The following FAAH2 variants were observed in gnomAD, a reference collection of about 807,000 sequenced individuals.
FAAH2 encodes fatty acid amide hydrolase 2.
A neutral mutation model predicts 36.9 loss-of-function variants in FAAH2; 60 were observed. The ratio of observed to expected loss-of-function variants is 1.63; its 90% CI spans 1.32 to 2.02. FAAH2 has a LOEUF of 2.02. FAAH2 is among the 30% of genes most tolerant of loss of function. The pLI is 0.00. For missense variants in FAAH2, 689 were observed against 397.5 expected (o/e 1.73, Z -6.23); for synonymous variants, 214 against 143.8 (o/e 1.49, Z -3.49).
chrX:57,229,108 A>T, the FAAH2 span: 2 of 111,597 alleles, frequency 1.8e-5, no homozygotes, highest in African/African-American at 6.5e-5. Context: ...AGGTAAAAAA[A>T]AAATAGAATT....
the FAAH2 span, among the ~76,000 whole-genome samples, chrX:57,191,517 G>A: frequency 9.0e-6 from 1 of 110,844 alleles, no homozygotes; most frequent in Non-Finnish European, 1.9e-5. Flanking sequence ...GTCCATTTTT[G>A]TTCTGGTTGG....
chrX:57,364,017 T>G (rs942256930), intron 5 of FAAH2, among the ~76,000 whole-genome samples: 1 of 90,812 alleles, frequency 1.1e-5, no homozygotes, highest in Non-Finnish European at 2.2e-5. Context: ...GGGTTTTTTT[T>G]TTTTTTTTTT....
chrX:57,277,846 C>A, the FAAH2 span, among the ~76,000 whole-genome samples: 2 of 111,124 alleles, frequency 1.8e-5, no homozygotes, highest in Non-Finnish European at 3.8e-5. Flanking sequence ...GAATAAAATA[C>A]CTAGCAATCC....
At chrX:57,416,954 T>C (rs2055862331) in intron 7 of FAAH2, among the ~76,000 whole-genome samples, 1 of 112,045 alleles carries the variant, frequency 8.9e-6, no homozygotes, top group African/African-American at 3.2e-5. Context: ...TCTAATCTTG[T>C]CTTAACGCTT....
intron 7 of FAAH2, among the ~76,000 whole-genome samples, chrX:57,419,408 T>C (rs1226577468): frequency 8.9e-6 from 1 of 111,813 alleles, no homozygotes; most frequent in African/African-American, 3.3e-5. Context: ...ATGATTGCCA[T>C]TCTAAGTGGT....
At chrX:57,246,544 TG>T in the FAAH2 span, among the ~76,000 whole-genome samples, 1 of 111,885 alleles carries the variant, frequency 8.9e-6, no homozygotes, top group Non-Finnish European at 1.9e-5. Context: ...GCTTCATCCC[TG>T]GGATGCAAGG....
the FAAH2 span, among the ~76,000 whole-genome samples, chrX:57,178,306 G>A: frequency 8.9e-6 from 1 of 112,170 alleles, no homozygotes; most frequent in Non-Finnish European, 1.9e-5. Flanking sequence ...TTATAGCTGA[G>A]GTTGCACAAA....
At chrX:57,201,053 GT>G in the FAAH2 span, among the ~76,000 whole-genome samples, 486 of 96,521 alleles carry the variant, frequency 5.0e-3, 7 homozygotes, top group African/African-American at 0.015. Flanking sequence ...TAGGGTAAAA[GT>G]TTTTTTTTTT....
At chrX:57,361,975 C>T (rs989093419) in intron 5 of FAAH2, among the ~76,000 whole-genome samples, 2 of 111,553 alleles carry the variant, frequency 1.8e-5, no homozygotes, top group East Asian at 5.6e-4. Context: ...CCACTCTCCT[C>T]TTTTCTGTAA....
chrX:57,130,435 TTATG>T, the FAAH2 span, among the ~76,000 whole-genome samples: 1 of 112,032 alleles, frequency 8.9e-6, no homozygotes, highest in Non-Finnish European at 1.9e-5. Flanking sequence ...AAGCATCAGG[TTATG>T]TGCTTACTAC....
the FAAH2 span, among the ~76,000 whole-genome samples, chrX:57,272,886 T>C: frequency 8.9e-6 from 1 of 112,179 alleles, no homozygotes; most frequent in Admixed American, 9.5e-5. Context: ...AGAATCATAA[T>C]GACAGAATCA....
At chrX:57,151,664 AT>A in the FAAH2 span, among the ~76,000 whole-genome samples, 10 of 108,529 alleles carry the variant, frequency 9.2e-5, no homozygotes, top group South Asian at 4.1e-4. Context: ...CATTTGTCTA[AT>A]TTTTTTTTCA....
chrX:57,224,518 G>A, the FAAH2 span, among the ~76,000 whole-genome samples: 25 of 111,218 alleles, frequency 2.2e-4, no homozygotes, highest in South Asian at 7.8e-4. Flanking sequence ...GTCCCAAGGC[G>A]CAAGGGCCAC....
chrX:57,126,933 G>T, the FAAH2 span: 1 of 111,351 alleles, frequency 9.0e-6, no homozygotes, highest in African/African-American at 3.3e-5. Flanking sequence ...TAATCATCCT[G>T]AGGGCAATAC....
intron 8 of FAAH2, among the ~76,000 whole-genome samples, chrX:57,441,475 A>G (rs1375463560): frequency 1.8e-5 from 2 of 109,617 alleles, no homozygotes; most frequent in Non-Finnish European, 3.8e-5. Context: ...TATTGCATCT[A>G]TTTGATTCCT....
chrX:57,154,818 T>C, the FAAH2 span, among the ~76,000 whole-genome samples: 1 of 110,468 alleles, frequency 9.1e-6, no homozygotes, highest in Admixed American at 9.7e-5. Context: ...TGAGGGAAGA[T>C]CTGGGACTCA....
At chrX:57,459,646 AG>A (rs2056922796) in intron 10 of FAAH2, among the ~76,000 whole-genome samples, 1 of 112,352 alleles carries the variant, frequency 8.9e-6, no homozygotes, top group South Asian at 3.7e-4. Context: ...TTCCAGAGGA[AG>A]AAGCAGGCAG....
At chrX:57,413,973 T>A (rs979653487) in intron 7 of FAAH2, among the ~76,000 whole-genome samples, 1 of 112,102 alleles carries the variant, frequency 8.9e-6, no homozygotes, top group Non-Finnish European at 1.9e-5. Flanking sequence ...TTTGTACAAA[T>A]TGTGAATGGG....
the FAAH2 span, among the ~76,000 whole-genome samples, chrX:57,242,335 G>A: frequency 9.8e-5 from 11 of 112,281 alleles, no homozygotes; most frequent in African/African-American, 1.6e-4. Context: ...GTGGACCTCC[G>A]GCAAACTACA....
Sources: allele counts gnomAD v4.1 joint callset (sites outside exome capture counted in the v4.1 genomes callset), GRCh38; gene constraint gnomAD v4.1.1; transcripts MANE v1.5; gene names NCBI Gene and HGNC (gene_info 2026-07-23, HGNC 2026-07-21).